The following EFCAB11 variants were observed in gnomAD, a reference collection of about 807,000 sequenced individuals.
EFCAB11 encodes EF-hand calcium binding domain 11.
Under a neutral mutation model 23.0 loss-of-function variants are expected in EFCAB11, and 14 were observed. The ratio of observed to expected loss-of-function variants is 0.61; its 90% confidence interval spans 0.40 to 0.95. The LOEUF (loss-of-function observed/expected upper bound fraction) is 0.95. Ranked by LOEUF, EFCAB11 falls within the 40% of genes least tolerant of loss-of-function variation. The pLI is 0.00. For missense variants in EFCAB11, 198 were observed against 195.8 expected (o/e 1.01, Z -0.07); for synonymous variants, 65 against 66.6 (o/e 0.98, Z 0.11).
intron 3 of EFCAB11, among the ~76,000 whole-genome samples, chr14:89,946,343 C>A (rs910637841): frequency 6.6e-6 from 1 of 152,112 alleles, no homozygotes; most frequent in Non-Finnish European, 1.5e-5. Flanking sequence ...GTGTTCAGTA[C>A]AGTATATATT....
intron 5 of EFCAB11, among the ~76,000 whole-genome samples, chr14:89,845,210 C>T (rs1223736982): frequency 1.3e-5 from 2 of 152,114 alleles, no homozygotes; most frequent in African/African-American, 4.8e-5. Context: ...TCCATCGGTA[C>T]TTTCTGAATA....
At chr14:89,854,329 G>A (rs1887686083) in intron 5 of EFCAB11, among the ~76,000 whole-genome samples, 2 of 152,208 alleles carry the variant, frequency 1.3e-5, no homozygotes, top group South Asian at 2.1e-4. Context: ...GCAGAGAGAG[G>A]TGCCCGCATC....
Position 89,893,376 on chromosome 14 carries a change from C to T in EFCAB11, c.410+38165G>A, listed in dbSNP as rs533897395. ...TGGATGTTGGAGGCTGGGATGAACA[C>T]GAATGTGCAGCAACTATGTTGGGCA... On this transcript the variant is annotated intron_variant, in intron 5 of 5. Coordinates refer to ENST00000316738, the MANE Select transcript of EFCAB11 (RefSeq NM_145231.4). Among the ~76,000 whole-genome samples the T allele has an allele frequency of 2.1e-3, 317 of 152,272 alleles. 1 individual carries two copies. The highest frequency in any genetic ancestry group is 7.2e-3 in the African/African-American group (301 of 41,556).
At chr14:89,850,348 T>A (rs1476027046) in intron 5 of EFCAB11, among the ~76,000 whole-genome samples, 2 of 152,228 alleles carry the variant, frequency 1.3e-5, no homozygotes, top group Admixed American at 1.3e-4. Flanking sequence ...GCATTCCGAA[T>A]GTTTCTAGAC....
intron 5 of EFCAB11, among the ~76,000 whole-genome samples, chr14:89,817,007 G>A (rs1001111544): frequency 1.8e-4 from 27 of 151,844 alleles, no homozygotes; most frequent in African/African-American, 6.5e-4. Flanking sequence ...TTAAACCAAG[G>A]TAGAATATAT....
At chr14:89,907,921 T>A (rs762895653) in intron 5 of EFCAB11, among the ~76,000 whole-genome samples, 7 of 152,182 alleles carry the variant, frequency 4.6e-5, no homozygotes, top group Non-Finnish European at 8.8e-5. Context: ...ATGGGGTCGT[T>A]GTGCGGATCA....
chr14:89,839,046 G>A (rs1596393912), intron 5 of EFCAB11, among the ~76,000 whole-genome samples: 5 of 152,302 alleles, frequency 3.3e-5, no homozygotes, highest in Admixed American at 3.3e-4. Flanking sequence ...GTTAGTGGAT[G>A]ACAGTATTAT....
chr14:89,852,919 CA>C (rs1375365552), intron 5 of EFCAB11, among the ~76,000 whole-genome samples: 3 of 152,138 alleles, frequency 2.0e-5, no homozygotes, highest in South Asian at 2.1e-4. Flanking sequence ...CATTGAACCC[CA>C]ACTCGACATT....
chr14:89,945,735 G>A (rs542041337), intron 3 of EFCAB11, among the ~76,000 whole-genome samples: 2 of 152,156 alleles, frequency 1.3e-5, no homozygotes, highest in Admixed American at 1.3e-4. Flanking sequence ...TTACAATTAG[G>A]TCACACTGGT....
At chr14:89,838,360 T>C (rs957059330) in intron 5 of EFCAB11, among the ~76,000 whole-genome samples, 8 of 151,576 alleles carry the variant, frequency 5.3e-5, no homozygotes, top group Non-Finnish European at 8.8e-5. Flanking sequence ...ATTAGCAGGA[T>C]TGACAGAGCT....
At chr14:89,884,560 T>A (rs1888695538) in intron 5 of EFCAB11, among the ~76,000 whole-genome samples, 7 of 152,018 alleles carry the variant, frequency 4.6e-5, no homozygotes, top group Admixed American at 4.6e-4. Context: ...GCTGATATAG[T>A]AAGAAAAGAA....
At chr14:89,799,926 T>G (rs1596370503) in intron 5 of EFCAB11, among the ~76,000 whole-genome samples, 1 of 152,092 alleles carries the variant, frequency 6.6e-6, no homozygotes, top group African/African-American at 2.4e-5. Context: ...TGGCTCATGC[T>G]TGTAATCCCA....
intron 5 of EFCAB11, among the ~76,000 whole-genome samples, chr14:89,835,359 T>C (rs1251892694): frequency 6.6e-6 from 1 of 152,206 alleles, no homozygotes; most frequent in Admixed American, 6.5e-5. Context: ...TATCTTGGGA[T>C]GGCACTCAAA....
chr14:89,917,644 C>T (rs1444945998), intron 5 of EFCAB11, among the ~76,000 whole-genome samples: 4 of 152,128 alleles, frequency 2.6e-5, no homozygotes, highest in Non-Finnish European at 5.9e-5. Context: ...AAGAAAATAA[C>T]ATTTTGAGGT....
rs141540786 is a variant in EFCAB11 at position 89,931,362 on chromosome 14, G to T, written c.410+179C>A. On this transcript the variant is annotated intron_variant, in intron 5 of 5. Coordinates refer to ENST00000316738, the MANE Select transcript of EFCAB11 (RefSeq NM_145231.4). ...CCAACTTTACAGTTCACTGTCAGGG[G>T]CATGGAAGGACCCATAGCTAACTAT... 258 of 591,372 alleles carry T rather than the reference G, an allele frequency of 4.4e-4. 1 individual carries two copies. The East Asian group carries it at 7.1e-3, about 16-fold the overall frequency. The allele number at this position is 591,372 out of a possible 1,614,324, so 36.6% of individuals were successfully genotyped here.
At chr14:89,834,657 G>T (rs1262732341) in intron 5 of EFCAB11, among the ~76,000 whole-genome samples, 2 of 152,192 alleles carry the variant, frequency 1.3e-5, no homozygotes, top group Admixed American at 6.5e-5. Context: ...AGGCTCAAGA[G>T]TGCCCAATAC....
At chr14:89,867,619 C>T (rs956723415) in intron 5 of EFCAB11, among the ~76,000 whole-genome samples, 1 of 152,178 alleles carries the variant, frequency 6.6e-6, no homozygotes, top group African/African-American at 2.4e-5. Context: ...ATAATCTACC[C>T]TTGCTTGACT....
intron 5 of EFCAB11, among the ~76,000 whole-genome samples, chr14:89,839,363 T>C (rs1887186418): frequency 6.6e-6 from 1 of 152,074 alleles, no homozygotes; most frequent in South Asian, 2.1e-4. Context: ...AGAATGGGGA[T>C]GGGACAACCA....
intron 5 of EFCAB11, among the ~76,000 whole-genome samples, chr14:89,865,707 C>A (rs1596410037): frequency 6.6e-6 from 1 of 152,162 alleles, no homozygotes; most frequent in East Asian, 1.9e-4. Flanking sequence ...CTCTGTCGCC[C>A]AGCCTGGAGT....
Sources: allele counts gnomAD v4.1 joint callset (sites outside exome capture counted in the v4.1 genomes callset), GRCh38; gene constraint gnomAD v4.1.1; transcripts MANE v1.5; gene names NCBI Gene and HGNC (gene_info 2026-07-23, HGNC 2026-07-21).